Variants in MED16 observed in about 807,000 individuals in gnomAD.
MED16 encodes the protein mediator complex subunit 16.
In MED16, 81 loss-of-function variants were observed where a neutral mutation model predicts 84.4. The observed-to-expected ratio is 0.96, with a 90% CI of 0.80 to 1.15. The LOEUF is 1.15. MED16 is among the 50% of genes most tolerant of loss of function. The pLI is 0.00. For synonymous variants in MED16, 897 were observed against 552.2 expected (o/e 1.62, Z -8.76); for missense variants, 1,585 against 1,245.9 (o/e 1.27, Z -4.10).
intron 13 of MED16, 120 bp from the exon 14 acceptor site, chr19:869,066 G>A: frequency 1.2e-6 from 1 of 849,750 alleles, no homozygotes; most frequent in Non-Finnish European, 1.8e-6. Context: ...TCTGCCAGGT[G>A]GGCCCAGATG....
intron 4 of MED16, 44 bp from the exon 5 acceptor site, chr19:886,245 G>A (rs1378254756): frequency 1.4e-6 from 2 of 1,459,360 alleles, no homozygotes; most frequent in South Asian, 1.4e-5. Context: ...TCAGGCTCAT[G>A]GGGGCTGCCC....
rs2036515078 is a variant in MED16 at position 885,874 on chromosome 19, T to C, written c.775A>G (p.Ile259Val). The change falls in exon 5 of 16, where the codon ATC (isoleucine) becomes GTC (valine). Residue 259 changes from isoleucine (I) to valine (V), a missense_variant. Coordinates refer to ENST00000325464, the MANE Select transcript of MED16 (RefSeq NM_005481.3). ...VSEKCRIDTEILPSLFMRCTT... is the reference protein window; with the variant it reads ...VSEKCRIDTEVLPSLFMRCTT... ...CAGCGCATGAACAGGGAGGGCAGGA[T>C]CTCCGTGTCGATACGGCACTTCTCG... 6.2e-7 allele frequency: 1 copy of C among 1,613,728 alleles called. No individual in the cohort carries two copies. Among genetic ancestry groups the C allele is most frequent in the Non-Finnish European group, 8.5e-7 (1 of 1,179,960 alleles).
intron 1 of MED16, among the ~76,000 whole-genome samples, chr19:891,586 C>T (rs1467815827): frequency 4.0e-5 from 6 of 150,462 alleles, no homozygotes; most frequent in Admixed American, 2.6e-4. Context: ...GTAGCCGAGG[C>T]GGGGCTGAGT....
At chr19:878,553 A>C (rs1599330217) in intron 8 of MED16, among the ~76,000 whole-genome samples, 6 of 24,356 alleles carry the variant, frequency 2.5e-4, no homozygotes, top group Admixed American at 5.0e-4. Flanking sequence ...GTCAATGCCC[A>C]CCAGCCCCAG....
At position 868,505 on chromosome 19, in the gene MED16, G is replaced by C. The variant is rs745397616; in HGVS notation, c.2400-6C>G. 1.2e-6 allele frequency: 2 copies of C among 1,609,374 alleles called. No homozygotes were observed. Among genetic ancestry groups the C allele is most frequent in the South Asian group, 2.2e-5 (2 of 91,080 alleles). ...GCATGGTGACACAGCCGCACCTGCGGGGAGGCAGGCACTGAGCGGGTTCCC... is the reference window on the plus strand; with the variant it reads ...GCATGGTGACACAGCCGCACCTGCGCGGAGGCAGGCACTGAGCGGGTTCCC... On this transcript the variant is annotated splice_polypyrimidine_tract_variant and splice_region_variant and intron_variant, in intron 14 of 15. Transcript: ENST00000325464.
At position 890,991 on chromosome 19, in the gene MED16, G is replaced by A. The variant is rs778447221; in HGVS notation, c.141C>T (p.Phe47=). ...GGTCATCGCTGCGCAGGTCCATGGTGAAGGCGATGAGATTTCGGCAGGACC... is the reference window on the plus strand; with the variant it reads ...GGTCATCGCTGCGCAGGTCCATGGTAAAGGCGATGAGATTTCGGCAGGACC... ...CAWSCRNLIA[F]TMDLRSDDQD... is the part of the protein sequence containing the mutation. The change falls in exon 2 of 16, where the codon TTC becomes TTT. Residue 47 remains phenylalanine, a synonymous_variant. Coordinates refer to ENST00000325464, the MANE Select transcript of MED16 (RefSeq NM_005481.3). The A allele has an allele frequency of 1.2e-5, 20 of 1,614,014 alleles. No homozygotes were observed. Among genetic ancestry groups the A allele is most frequent in the Non-Finnish European group, 1.5e-5 (18 of 1,179,986 alleles).
chr19:881,366 C>T (rs897512312), intron 7 of MED16, among the ~76,000 whole-genome samples, 193 bp downstream of exon 7: 12 of 152,202 alleles, frequency 7.9e-5, no homozygotes, highest in African/African-American at 2.9e-4. Context: ...CTCACAGATC[C>T]CGAAAGATGA....
In MED16 at chr19:893,162, T is replaced by A. The variant is rs1192261203; in HGVS notation, c.-95A>T. ...TAGCGCCTCGGGTCTGGCGCCGCCA[T>A]CTTCCTCGGTAACAACCAGTCGCCT... On this transcript the variant is annotated 5_prime_UTR_variant, in exon 1 of 16. It removes an upstream start codon present in the reference 5' UTR. Transcript: ENST00000325464. 1 of 152,248 alleles carries A rather than the reference T, an allele frequency of 6.6e-6. No homozygotes were observed. Among genetic ancestry groups the A allele is most frequent in the Non-Finnish European group, 1.5e-5 (1 of 68,054 alleles). The allele number at this position is 152,248 out of a possible 1,614,324, so 9.4% of individuals were successfully genotyped here.
At chr19:881,994 T>C (rs1021267602) in intron 6 of MED16, among the ~76,000 whole-genome samples, 6 of 152,100 alleles carry the variant, frequency 3.9e-5, no homozygotes, top group African/African-American at 1.4e-4. Flanking sequence ...GGGCAGACAG[T>C]GGGGAGACGG....
intron 4 of MED16, among the ~76,000 whole-genome samples, chr19:888,137 G>C (rs2036561236): frequency 6.6e-6 from 1 of 152,040 alleles, no homozygotes; most frequent in South Asian, 2.1e-4. Context: ...CCGGGAGGGA[G>C]AGGCTGCAGT....
Position 884,942 on chromosome 19 carries a change from G to C in MED16, c.946C>G (p.Leu316Val), listed in dbSNP as rs1399550761. Residue 316 changes from leucine to valine, a missense_variant, in exon 6 of 16, where the codon CTC becomes GTC. Physicochemically the swap from Leu to Val is conservative, Grantham distance 32. Transcript: ENST00000325464. ...TGCTGGAAGATGTTGTTCACGGGGA[G>C]TCCCTCCTTGCGCAGGGACCAGCAC... ...VECWSLRKEG[L>V]PVNNIFQQIS... 3 of 1,609,762 alleles carry C rather than the reference G, an allele frequency of 1.9e-6. No individual in the cohort carries two copies. The highest frequency in any genetic ancestry group is 2.5e-6 in the Non-Finnish European group (3 of 1,179,312).
At position 885,752 on chromosome 19, in the gene MED16, T is replaced by C. The variant is rs1212126713; in HGVS notation, c.879+18A>G. The C allele has an allele frequency of 1.3e-6, 2 of 1,597,760 alleles. No individual in the cohort carries two copies. The stretch of plus-strand genomic sequence containing the variant: ...ATTCCAAGCCTGCCAGCCCACGTGA[T>C]GGCCTGCGCCCGTTCACCTGCTCCG... On this transcript the variant is annotated intron_variant, in intron 5 of 15. Transcript: ENST00000325464.
At chr19:881,741 G>A (rs1316357290) in intron 6 of MED16, 27 bp from the exon 7 acceptor site, 8 of 1,603,670 alleles carry the variant, frequency 5.0e-6, no homozygotes, top group Non-Finnish European at 6.0e-6. Context: ...AGGAAAACAG[G>A]AAGGCAATGG....
Position 885,920 on chromosome 19 carries a change from C to T in MED16, c.729G>A (p.Lys243=), listed in dbSNP as rs1370094927. 1 of 1,613,324 alleles carries T rather than the reference C, an allele frequency of 6.2e-7. No homozygotes were observed. Among genetic ancestry groups the T allele is most frequent in the Non-Finnish European group, 8.5e-7 (1 of 1,179,964 alleles). ...TCTCGCTCACCACGCTCACGCACACCTTGTAGAACTGCACGGGCGACGCGC... is the reference window on the plus strand; with the variant it reads ...TCTCGCTCACCACGCTCACGCACACTTTGTAGAACTGCACGGGCGACGCGC... The part of the protein sequence containing the change: ...GSSASPVQFY[K]VCVSVVSEKC... The change falls in exon 5 of 16, where the codon AAG becomes AAA. Residue 243 remains lysine, a synonymous_variant. Coordinates refer to ENST00000325464, the MANE Select transcript of MED16 (RefSeq NM_005481.3).
intron 7 of MED16, among the ~76,000 whole-genome samples, chr19:880,641 C>A (rs886488550): frequency 5.9e-5 from 9 of 152,202 alleles, no homozygotes; most frequent in Non-Finnish European, 1.2e-4. Context: ...GCTGCAAAGC[C>A]GGGCGCGGTG....
intron 6 of MED16, among the ~76,000 whole-genome samples, chr19:882,955 G>A (rs571870528): frequency 6.6e-6 from 1 of 152,242 alleles, no homozygotes; most frequent in African/African-American, 2.4e-5. Flanking sequence ...AGGGCACACA[G>A]TGGTCAGGGG....
intron 13 of MED16, among the ~76,000 whole-genome samples, chr19:870,103 C>T (rs2036010013): frequency 6.6e-6 from 1 of 152,222 alleles, no homozygotes; most frequent in Non-Finnish European, 1.5e-5. Flanking sequence ...GGGAGATCCT[C>T]CTGATGAGGT....
At chr19:891,217 C>A in intron 1 of MED16, 68 bp from the exon 2 acceptor site, 1 of 1,463,534 alleles carries the variant, frequency 6.8e-7, no homozygotes, top group South Asian at 1.3e-5. Flanking sequence ...AGTGCCAGGC[C>A]AGAAGTGGGA....
chr19:890,916 G>A (rs771268138), intron 2 of MED16, 47 bp downstream of exon 2: 46 of 1,593,802 alleles, frequency 2.9e-5, no homozygotes, highest in Middle Eastern at 1.9e-4. Context: ...GGAACAGGGC[G>A]GGACACCATG....
Sources: allele counts gnomAD v4.1 joint callset (sites outside exome capture counted in the v4.1 genomes callset), GRCh38; gene constraint gnomAD v4.1.1; transcripts MANE v1.5; gene names NCBI Gene and HGNC (gene_info 2026-07-23, HGNC 2026-07-21).